THSD7B: variants seen among roughly 807,000 people sequenced by gnomAD.
THSD7B encodes thrombospondin type 1 domain containing 7B.
In THSD7B, 138 loss-of-function variants were observed where a neutral mutation model predicts 213.6. The observed-to-expected ratio is 0.65, with a 90% CI of 0.56 to 0.74. THSD7B has a LOEUF of 0.74. Ranked by LOEUF, THSD7B falls within the 30% of genes least tolerant of loss-of-function variation. THSD7B has a pLI of 0.00. For missense variants in THSD7B, 1,931 were observed against 1,991.5 expected (o/e 0.97, Z 0.58); for synonymous variants, 742 against 687.0 (o/e 1.08, Z -1.25).
intron 3 of THSD7B, among the ~76,000 whole-genome samples, chr2:137,091,333 TG>T (rs562196760): frequency 8.1e-4 from 124 of 152,210 alleles, no homozygotes; most frequent in Non-Finnish European, 1.2e-3. Context: ...TGAAATAGCA[TG>T]GGGCTTTCTT....
chr2:137,087,624 C>T (rs1687863996), intron 3 of THSD7B, among the ~76,000 whole-genome samples: 1 of 152,130 alleles, frequency 6.6e-6, no homozygotes, highest in Admixed American at 6.6e-5. Flanking sequence ...AGGAAAACTA[C>T]AAAACACTGC....
intron 27 of THSD7B, among the ~76,000 whole-genome samples, chr2:137,670,837 T>C (rs1051796580): frequency 8.3e-5 from 12 of 145,172 alleles, no homozygotes; most frequent in East Asian, 2.1e-4. Context: ...AGGAGAATGG[T>C]GTGAACCCGG....
At chr2:137,331,732 G>A (rs888317515) in intron 12 of THSD7B, among the ~76,000 whole-genome samples, 20 of 152,224 alleles carry the variant, frequency 1.3e-4, no homozygotes, top group African/African-American at 4.6e-4. Context: ...ATGGCGGGCT[G>A]CAGGTCCCAA....
rs867718659 is a variant in THSD7B at position 137,110,961 on chromosome 2, A to G, written c.1200-4163A>G. On this transcript the variant is annotated intron_variant, in intron 4 of 27. Coordinates refer to ENST00000409968, the MANE Select transcript of THSD7B (RefSeq NM_001316349.2). ...TTCCAGCCTAGGAGCAATATATACC[A>G]TATAGCCTAGGTATGTAGTAGGCTA... is the stretch of plus-strand genomic sequence containing the variant. Among the ~76,000 whole-genome samples, 4 of 152,212 alleles carry G rather than the reference A, an allele frequency of 2.6e-5. No homozygotes were observed. In the South Asian group the frequency reaches 8.3e-4, roughly 31 times the overall value.
chr2:137,116,346 A>G (rs1235716337), intron 5 of THSD7B, among the ~76,000 whole-genome samples: 4 of 152,182 alleles, frequency 2.6e-5, no homozygotes, highest in Non-Finnish European at 1.5e-5. Flanking sequence ...ACTTTGGAAA[A>G]TTATAGCTTA....
chr2:137,220,494 A>C (rs1681344587), intron 7 of THSD7B, among the ~76,000 whole-genome samples: 1 of 152,232 alleles, frequency 6.6e-6, no homozygotes, highest in African/African-American at 2.4e-5. Context: ...CACCTATAAG[A>C]ATGACAACAA....
intron 7 of THSD7B, among the ~76,000 whole-genome samples, chr2:137,219,347 A>G (rs1475132050): frequency 6.6e-6 from 1 of 152,148 alleles, no homozygotes; most frequent in Non-Finnish European, 1.5e-5. Flanking sequence ...TTTCCCAAGT[A>G]CAAGAATTCT....
In THSD7B at chr2:137,272,677, T is replaced by G; in HGVS notation, c.2396+15T>G. ...CCTGTATATCGGCAAGTAGTTACCT[T>G]TTAAAATTATCGTTAGACCTACTGT... On this transcript the variant is annotated intron_variant, in intron 11 of 27. Coordinates refer to ENST00000409968, the MANE Select transcript of THSD7B (RefSeq NM_001316349.2). The G allele has an allele frequency of 6.2e-7, 1 of 1,608,652 alleles. No homozygotes were observed. The highest frequency in any genetic ancestry group is 8.5e-7 in the Non-Finnish European group (1 of 1,177,382).
At chr2:137,376,064 C>T (rs1000428215) in intron 12 of THSD7B, among the ~76,000 whole-genome samples, 1 of 152,158 alleles carries the variant, frequency 6.6e-6, no homozygotes, top group African/African-American at 2.4e-5. Flanking sequence ...GCTAATTTAT[C>T]GTTTCTCTAT....
chr2:137,537,224 A>T (rs919495224), intron 15 of THSD7B, among the ~76,000 whole-genome samples: 9 of 151,832 alleles, frequency 5.9e-5, no homozygotes, highest in Admixed American at 1.3e-4. Flanking sequence ...TAAAATTATC[A>T]TGTGAACATT....
chr2:137,673,330 A>C (rs1257731399), intron 27 of THSD7B, among the ~76,000 whole-genome samples: 1 of 152,156 alleles, frequency 6.6e-6, no homozygotes, highest in Non-Finnish European at 1.5e-5. Context: ...CTGTGTGCCA[A>C]CTCTAAAAGT....
chr2:137,038,192 A>C (rs2104858964), intron 2 of THSD7B, among the ~76,000 whole-genome samples: 1 of 152,328 alleles, frequency 6.6e-6, no homozygotes, highest in South Asian at 2.1e-4. Flanking sequence ...TTCCTTTTAC[A>C]AGAATGTTTC....
intron 1 of THSD7B, among the ~76,000 whole-genome samples, chr2:136,833,219 G>C (rs1287976651): frequency 2.0e-5 from 3 of 151,938 alleles, no homozygotes; most frequent in African/African-American, 7.3e-5. Context: ...CCAAAAATTA[G>C]CTGGGCATGG....
At chr2:136,847,445 G>A (rs1368956841) in intron 1 of THSD7B, among the ~76,000 whole-genome samples, 1 of 152,178 alleles carries the variant, frequency 6.6e-6, no homozygotes, top group Non-Finnish European at 1.5e-5. Flanking sequence ...GTTTGGGGGT[G>A]ATTTCTGTCT....
chr2:136,765,883 T>C (rs1202036923), intron 1 of THSD7B, among the ~76,000 whole-genome samples, 196 bp downstream of exon 1: 1 of 152,206 alleles, frequency 6.6e-6, no homozygotes, highest in Non-Finnish European at 1.5e-5. Context: ...CGGACGCCTC[T>C]GGCTTGGGGC....
chr2:137,319,756 T>A (rs1449006638), intron 12 of THSD7B, among the ~76,000 whole-genome samples: 2 of 152,162 alleles, frequency 1.3e-5, no homozygotes, highest in East Asian at 1.9e-4. Flanking sequence ...CAAACTTGAC[T>A]TTTTTTTAGA....
rs1243334976 is a variant in THSD7B, at chr2:136,882,213, G to T, written c.35G>T (p.Trp12Leu). The T allele has an allele frequency of 6.5e-7, 1 of 1,540,344 alleles. No individual in the cohort carries two copies. The change falls in exon 2 of 28, where the codon TGG (tryptophan) becomes TTG (leucine). Residue 12 changes from tryptophan (W) to leucine (L), a missense_variant. Physicochemically the swap from Trp to Leu is moderately conservative, Grantham distance 61 (BLOSUM62 -2). Transcript: ENST00000409968. ...AAGAGCAACCTAACAGTCACTTGCTGGGTATGGAGGAGCATGAGGAAGCTC... is the reference window on the plus strand; with the variant it reads ...AAGAGCAACCTAACAGTCACTTGCTTGGTATGGAGGAGCATGAGGAAGCTC... ...FPKSNLTVTCWVWRSMRKLFL... is the reference protein window; with the variant it reads ...FPKSNLTVTCLVWRSMRKLFL...
intron 15 of THSD7B, among the ~76,000 whole-genome samples, chr2:137,540,998 T>A (rs1680600258): frequency 6.6e-6 from 1 of 151,516 alleles, no homozygotes; most frequent in African/African-American, 2.4e-5. Flanking sequence ...ACAAAGGCAG[T>A]TTTAAATTGC....
intron 2 of THSD7B, among the ~76,000 whole-genome samples, chr2:137,051,235 C>A (rs533189999): frequency 3.3e-4 from 50 of 152,344 alleles, no homozygotes; most frequent in Middle Eastern, 3.4e-3. Flanking sequence ...TAGTGCACAG[C>A]ATTAACAGAT....
Sources: allele counts gnomAD v4.1 joint callset (sites outside exome capture counted in the v4.1 genomes callset), GRCh38; gene constraint gnomAD v4.1.1; transcripts MANE v1.5; gene names NCBI Gene and HGNC (gene_info 2026-07-23, HGNC 2026-07-21).